GALNTL6: variants seen among roughly 807,000 people sequenced by gnomAD.
GALNTL6 encodes the protein polypeptide N-acetylgalactosaminyltransferase like 6.
In GALNTL6, 46 loss-of-function variants were observed where a neutral mutation model predicts 73.7. The observed-to-expected ratio is 0.62, with a 90% CI of 0.49 to 0.80. The LOEUF is 0.80. Among genes scored for constraint, GALNTL6 ranks in the 30% least tolerant of loss-of-function variants. The probability of loss-of-function intolerance (pLI) is 0.00; values close to 1 mark genes in which losing one functional copy is unlikely to be tolerated. For missense variants in GALNTL6, 604 were observed against 755.0 expected, an observed-to-expected ratio of 0.80 and a Z score of 2.34; for synonymous variants, 259 against 263.7, an observed-to-expected ratio of 0.98 and a Z score of 0.17.
chr4:172,961,372 A>C (rs923109609), intron 10 of GALNTL6, among the ~76,000 whole-genome samples: 7 of 151,406 alleles, frequency 4.6e-5, no homozygotes, highest in African/African-American at 1.7e-4. Context: ...TGCCTCCCAG[A>C]AAAGCAGAGA....
At chr4:172,500,264 T>C (rs1734215449) in intron 5 of GALNTL6, among the ~76,000 whole-genome samples, 1 of 151,576 alleles carries the variant, frequency 6.6e-6, no homozygotes, top group African/African-American at 2.4e-5. Context: ...CTATGAAAAA[T>C]AGAAAAATTA....
intron 5 of GALNTL6, among the ~76,000 whole-genome samples, chr4:172,773,673 T>A (rs1237304867): frequency 1.3e-5 from 2 of 152,142 alleles, no homozygotes; most frequent in Non-Finnish European, 2.9e-5. Context: ...GTAAATTATT[T>A]GAACATTTTG....
intron 5 of GALNTL6, among the ~76,000 whole-genome samples, chr4:172,775,000 A>C (rs1411387438): frequency 7.4e-6 from 1 of 134,230 alleles, no homozygotes; most frequent in African/African-American, 2.6e-5. Context: ...AATAATAATA[A>C]TAAAATCCAG....
chr4:172,748,649 C>A (rs1737249606), intron 5 of GALNTL6, among the ~76,000 whole-genome samples: 1 of 152,068 alleles, frequency 6.6e-6, no homozygotes, highest in Non-Finnish European at 1.5e-5. Flanking sequence ...TCAACACATA[C>A]AAAGTTACGC....
At chr4:171,924,361 T>G (rs1353185572) in intron 2 of GALNTL6, among the ~76,000 whole-genome samples, 1 of 152,060 alleles carries the variant, frequency 6.6e-6, no homozygotes. Context: ...AAAGTGACAT[T>G]TGTGCAAAAA....
At chr4:172,586,847 T>C (rs561488456) in intron 5 of GALNTL6, among the ~76,000 whole-genome samples, 1 of 152,328 alleles carries the variant, frequency 6.6e-6, no homozygotes, top group East Asian at 1.9e-4. Context: ...GCTTCCACTT[T>C]GGGGAGTAGA....
chr4:172,266,114 C>T (rs1360514853), intron 3 of GALNTL6: 1 of 152,046 alleles, frequency 6.6e-6, no homozygotes, highest in Non-Finnish European at 1.5e-5. Flanking sequence ...ATAAAAGTTC[C>T]ATCAGATAAT....
intron 5 of GALNTL6, among the ~76,000 whole-genome samples, chr4:172,443,887 C>T (rs1371155695): frequency 6.6e-6 from 1 of 152,160 alleles, no homozygotes; most frequent in East Asian, 1.9e-4. Flanking sequence ...GGACCTTGAA[C>T]TTTACCCAGC....
intron 10 of GALNTL6, among the ~76,000 whole-genome samples, chr4:172,991,875 G>T (rs80280144): frequency 6.6e-6 from 1 of 152,016 alleles, no homozygotes; most frequent in Admixed American, 6.6e-5. Context: ...GCCCAGTTCC[G>T]GCCCTGCATT....
intron 12 of GALNTL6, among the ~76,000 whole-genome samples, chr4:173,028,297 G>A (rs1021805682): frequency 1.3e-5 from 2 of 152,158 alleles, no homozygotes; most frequent in South Asian, 2.1e-4. Context: ...CAATGTACTC[G>A]CCTGAGGATA....
chr4:171,877,712 G>C (rs1280650404), intron 2 of GALNTL6, among the ~76,000 whole-genome samples: 1 of 151,780 alleles, frequency 6.6e-6, no homozygotes, highest in African/African-American at 2.4e-5. Context: ...TATTGGTGAT[G>C]CTTTTCCGGA....
At chr4:172,043,466 G>A (rs1015854368) in intron 2 of GALNTL6, among the ~76,000 whole-genome samples, 5 of 152,028 alleles carry the variant, frequency 3.3e-5, no homozygotes, top group African/African-American at 1.2e-4. Flanking sequence ...TCAGCACTGT[G>A]AGCTATGGAT....
At chr4:172,293,570 T>C (rs2626612) in intron 3 of GALNTL6, among the ~76,000 whole-genome samples, 143,723 of 152,106 alleles carry the variant, frequency 0.94, 68,408 homozygotes, top group East Asian at 1. Context: ...GCTAGTTAAA[T>C]CACAGGAAAC....
At chr4:172,814,746 T>A (rs1274693619) in intron 7 of GALNTL6, among the ~76,000 whole-genome samples, 1 of 152,160 alleles carries the variant, frequency 6.6e-6, no homozygotes, top group East Asian at 1.9e-4. Flanking sequence ...CAACATTTCA[T>A]AATGATCAGG....
At chr4:172,169,770 A>G (rs183256920) in intron 2 of GALNTL6, among the ~76,000 whole-genome samples, 3 of 152,244 alleles carry the variant, frequency 2.0e-5, no homozygotes, top group African/African-American at 7.2e-5. Flanking sequence ...TTTAGGAGAT[A>G]CTAAAACACA....
At position 172,192,445 on chromosome 4, in the gene GALNTL6, C is replaced by T. The variant is rs114402748; in HGVS notation, c.139-37211C>T. On this transcript the variant is annotated intron_variant, in intron 2 of 12. Transcript: ENST00000506823. ...TGGCTCCCACTGAGAAGAACGAAAA[C>T]GGCAAGTGAATCCTGCACCTTCAGC... Among the ~76,000 whole-genome samples, 1,155 of 152,002 alleles carry T rather than the reference C, an allele frequency of 7.6e-3. 21 individuals carry two copies. Among genetic ancestry groups the T allele is most frequent in the African/African-American group, 0.026 (1,097 of 41,464 alleles).
At chr4:172,937,864 T>C (rs377565738) in intron 9 of GALNTL6, among the ~76,000 whole-genome samples, 1 of 152,230 alleles carries the variant, frequency 6.6e-6, no homozygotes, top group East Asian at 1.9e-4. Context: ...GACTGTCATA[T>C]TATAATTGAG....
chr4:172,518,296 A>T (rs1327425274), intron 5 of GALNTL6, among the ~76,000 whole-genome samples: 1 of 151,980 alleles, frequency 6.6e-6, no homozygotes, highest in Non-Finnish European at 1.5e-5. Context: ...AAAATCAAGA[A>T]GTTGAAGGAA....
intron 2 of GALNTL6, among the ~76,000 whole-genome samples, chr4:171,913,847 T>C (rs1389415189): frequency 6.6e-6 from 1 of 151,922 alleles, no homozygotes; most frequent in Non-Finnish European, 1.5e-5. Flanking sequence ...CAATAAAAAG[T>C]TAATGATGAG....
Sources: allele counts gnomAD v4.1 joint callset (sites outside exome capture counted in the v4.1 genomes callset), GRCh38; gene constraint gnomAD v4.1.1; transcripts MANE v1.5; gene names NCBI Gene and HGNC (gene_info 2026-07-23, HGNC 2026-07-21).